The following LONP2 variants were observed in gnomAD, a reference collection of about 807,000 sequenced individuals.
LONP2 encodes lon peptidase 2, peroxisomal.
In LONP2, 60 loss-of-function variants were observed where a neutral mutation model predicts 85.6. The ratio of observed to expected loss-of-function variants is 0.70; its 90% CI spans 0.57 to 0.87. The LOEUF is 0.87. Ranked by LOEUF, LONP2 falls within the 40% of genes least tolerant of loss-of-function variation. The pLI is 0.00. For missense variants in LONP2, 860 were observed against 1,063.5 expected (o/e 0.81, Z 2.66); for synonymous variants, 395 against 389.7 (o/e 1.01, Z -0.16).
chr16:48,269,106 G>A (rs546759170), intron 6 of LONP2, among the ~76,000 whole-genome samples: 1 of 151,796 alleles, frequency 6.6e-6, no homozygotes, highest in African/African-American at 2.4e-5. Flanking sequence ...CCTGTTGAAA[G>A]CTTGGCTCTA....
rs762111601 is a variant in LONP2 at position 48,303,155 on chromosome 16, T to C, written c.1662-17T>C. On this transcript the variant is annotated splice_polypyrimidine_tract_variant and intron_variant, in intron 10 of 14. Coordinates refer to ENST00000285737, the MANE Select transcript of LONP2 (RefSeq NM_031490.5). ...GTGGTATATAGTCAAAAATAAAATATTTTTGTTTGATGACAGGTATACCAG... is the reference window on the plus strand; with the variant it reads ...GTGGTATATAGTCAAAAATAAAATACTTTTGTTTGATGACAGGTATACCAG... The C allele has an allele frequency of 1.2e-5, 19 of 1,612,588 alleles. 1 individual carries two copies. The South Asian group carries it at 1.3e-4, about 11-fold the overall frequency.
intron 12 of LONP2, among the ~76,000 whole-genome samples, chr16:48,340,738 A>G (rs972426801): frequency 2.0e-5 from 3 of 151,396 alleles, no homozygotes; most frequent in African/African-American, 7.3e-5. Context: ...AGGTGGGCGG[A>G]TCGCTTGAGT....
At chr16:48,326,855 C>T (rs1414727977) in intron 11 of LONP2, among the ~76,000 whole-genome samples, 1 of 152,190 alleles carries the variant, frequency 6.6e-6, no homozygotes, top group Non-Finnish European at 1.5e-5. Flanking sequence ...GCTATTGGGC[C>T]TGTTTTCATT....
At position 48,355,191 on chromosome 16, in the gene LONP2, A is replaced by C. The variant is rs1960295021; in HGVS notation, c.*3389A>C. On this transcript the variant is annotated 3_prime_UTR_variant, in exon 15 of 15. Coordinates refer to ENST00000285737, the MANE Select transcript of LONP2 (RefSeq NM_031490.5). ...CAGAACTACTAGATCACATATGCTA[A>C]GGTCTGAATGTCCCCCCACCAAATT... The C allele has an allele frequency of 6.6e-6, 1 of 152,110 alleles. No homozygotes were observed. Among genetic ancestry groups the C allele is most frequent in the Non-Finnish European group, 1.5e-5 (1 of 68,042 alleles). The allele number at this position is 152,110 out of a possible 1,614,324, so 9.4% of individuals were successfully genotyped here.
At position 48,351,768 on chromosome 16, in the gene LONP2, A is replaced by G; in HGVS notation, c.2525A>G (p.Lys842Arg). The change falls in exon 15 of 15, where the codon AAG becomes AGG. Residue 842 changes from lysine to arginine, a missense_variant. Transcript: ENST00000285737. ...GCTTTTGATGGTGGCTTTACTGTCA[A>G]GACCAGACCTGGTCTGTTAAATAGC... is the stretch of plus-strand genomic sequence containing the variant. ...NAAFDGGFTV[K>R]TRPGLLNSKL 6.2e-7 allele frequency: 1 copy of G among 1,614,218 alleles called. No homozygotes were observed. The highest frequency in any genetic ancestry group is 8.5e-7 in the Non-Finnish European group (1 of 1,180,042).
At chr16:48,286,142 CTT>C (rs112681466) in intron 8 of LONP2, among the ~76,000 whole-genome samples, 19 of 137,318 alleles carry the variant, frequency 1.4e-4, no homozygotes, top group Non-Finnish European at 1.3e-4. Context: ...GATTTGTAAT[CTT>C]TTTTTTTTTT....
At chr16:48,282,043 A>T (rs892072462) in intron 8 of LONP2, among the ~76,000 whole-genome samples, 2 of 152,354 alleles carry the variant, frequency 1.3e-5, no homozygotes, top group African/African-American at 4.8e-5. Context: ...AAATGCCTTA[A>T]ATAAGGCATA....
intron 14 of LONP2, among the ~76,000 whole-genome samples, chr16:48,349,276 TC>T (rs1960067672): frequency 6.7e-6 from 1 of 149,384 alleles, no homozygotes; most frequent in Non-Finnish European, 1.5e-5. Context: ...AGTCTTTTTT[TC>T]TTTTTTCTAT....
intron 8 of LONP2, among the ~76,000 whole-genome samples, chr16:48,295,202 T>C (rs1318942518): frequency 6.6e-6 from 1 of 152,130 alleles, no homozygotes; most frequent in Non-Finnish European, 1.5e-5. Context: ...TGAAACCCCA[T>C]CTCTACTAAA....
At position 48,351,898 on chromosome 16, in the gene LONP2, T is replaced by C. The variant is rs1432851194; in HGVS notation, c.*96T>C. 19 of 882,872 alleles carry C rather than the reference T, an allele frequency of 2.2e-5. No individual in the cohort carries two copies. Among genetic ancestry groups the C allele is most frequent in the Non-Finnish European group, 3.3e-5 (19 of 567,414 alleles). 54.7% of individuals were successfully genotyped at this position (882,872 alleles called of 1,614,324 possible). On this transcript the variant is annotated 3_prime_UTR_variant, in exon 15 of 15. Coordinates refer to ENST00000285737, the MANE Select transcript of LONP2 (RefSeq NM_031490.5). ...CACACCATTAGGGGTATGCAAGATGTCCCTGTTTTATAAACATAATCACAA... is the reference window on the plus strand; with the variant it reads ...CACACCATTAGGGGTATGCAAGATGCCCCTGTTTTATAAACATAATCACAA...
chr16:48,311,302 A>G (rs1255841150), intron 11 of LONP2, among the ~76,000 whole-genome samples: 1 of 151,100 alleles, frequency 6.6e-6, no homozygotes, highest in African/African-American at 2.4e-5. Context: ...ATAGGTTCCA[A>G]TGTCTTATGT....
intron 11 of LONP2, among the ~76,000 whole-genome samples, chr16:48,314,387 G>A (rs1454538719): frequency 6.6e-5 from 10 of 152,208 alleles, no homozygotes; most frequent in African/African-American, 2.4e-4. Flanking sequence ...CCGTGCCTAT[G>A]TCCTGAATGG....
intron 8 of LONP2, among the ~76,000 whole-genome samples, chr16:48,294,010 C>A (rs1301658057): frequency 2.0e-5 from 3 of 152,202 alleles, no homozygotes; most frequent in East Asian, 3.8e-4. Flanking sequence ...GATCTCAGCC[C>A]ACGGCAACTT....
chr16:48,330,440 C>T (rs1959401780), intron 11 of LONP2, among the ~76,000 whole-genome samples: 1 of 152,226 alleles, frequency 6.6e-6, no homozygotes, highest in Non-Finnish European at 1.5e-5. Flanking sequence ...GATGATGCCA[C>T]TGTCTTCTCC....
chr16:48,258,273 G>C lies in LONP2; in HGVS notation c.601-345G>C, dbSNP rs1971802843. Among the ~76,000 whole-genome samples, 3 of 151,656 alleles carry C rather than the reference G, an allele frequency of 2.0e-5. No individual in the cohort carries two copies. In the South Asian group the frequency reaches 6.2e-4, roughly 32 times the overall value. On this transcript the variant is annotated intron_variant, in intron 3 of 14. Coordinates refer to ENST00000285737, the MANE Select transcript of LONP2 (RefSeq NM_031490.5). Reference sequence around the variant, plus strand: ...GAGGCAGGAGAATGACGTGAACCCAGGAGGGGGAGCTTGCACTGAGCCAAG... The same window carrying C: ...GAGGCAGGAGAATGACGTGAACCCACGAGGGGGAGCTTGCACTGAGCCAAG...
Position 48,270,007 on chromosome 16 carries a change from A to G in LONP2, c.983-9A>G. 1 of 1,609,012 alleles carries G rather than the reference A, an allele frequency of 6.2e-7. No homozygotes were observed. The highest frequency in any genetic ancestry group is 2.2e-5 in the East Asian group (1 of 44,802). Reference sequence around the variant, plus strand: ...GTGTTCTAATTATTTCTGTTGGGTTATTTGACAGACCGCCTGGACATTAGG... The same window carrying G: ...GTGTTCTAATTATTTCTGTTGGGTTGTTTGACAGACCGCCTGGACATTAGG... On this transcript the variant is annotated splice_polypyrimidine_tract_variant and intron_variant, in intron 6 of 14. Transcript: ENST00000285737.
chr16:48,270,090 G>A lies in LONP2; in HGVS notation c.1057G>A (p.Val353Ile), dbSNP rs375122667. Reference sequence around the variant, plus strand: ...CGCCATGGAAAAATTGAAGAAAAGAGTACTGGAATACTTGGCTGTCAGACA... The same window carrying A: ...CGCCATGGAAAAATTGAAGAAAAGAATACTGGAATACTTGGCTGTCAGACA... Reference protein sequence around the residue: ...HYAMEKLKKRVLEYLAVRQLK... With the variant: ...HYAMEKLKKRILEYLAVRQLK... The change falls in exon 7 of 15, where the codon GTA becomes ATA. Residue 353 changes from valine (V) to isoleucine (I), a missense_variant. Around this residue, in one of 3 missense-constraint regions of LONP2, gnomAD observed 743 missense variants for 917.3 expected, o/e 0.81. Coordinates refer to ENST00000285737, the MANE Select transcript of LONP2 (RefSeq NM_031490.5). The A allele has an allele frequency of 2.5e-6, 4 of 1,614,056 alleles. No homozygotes were observed. The highest frequency in any genetic ancestry group is 3.4e-6 in the Non-Finnish European group (4 of 1,179,972).
At chr16:48,270,389 A>G (rs1596928946) in intron 7 of LONP2, 115 bp downstream of exon 7, 2 of 1,123,348 alleles carry the variant, frequency 1.8e-6, no homozygotes, top group East Asian at 2.4e-5. Flanking sequence ...TATGTGTGGT[A>G]CCTTGAATGA....
At chr16:48,276,412 C>T (rs545187697) in intron 7 of LONP2, among the ~76,000 whole-genome samples, 234 of 152,272 alleles carry the variant, frequency 1.5e-3, no homozygotes, top group African/African-American at 5.2e-3. Flanking sequence ...ATTTTCTTCT[C>T]GGCAGTCAGG....
Sources: allele counts gnomAD v4.1 joint callset (sites outside exome capture counted in the v4.1 genomes callset), GRCh38; gene constraint gnomAD v4.1.1; regional missense constraint gnomAD v4.1.1; transcripts MANE v1.5; gene names NCBI Gene and HGNC (gene_info 2026-07-23, HGNC 2026-07-21).